Variants in SMAP1 observed in about 807,000 individuals in gnomAD.
SMAP1 encodes small ArfGAP 1, also known as stromal membrane-associated protein 1.
Under a neutral mutation model 58.5 loss-of-function variants are expected in SMAP1, and 24 were observed. The ratio of observed to expected loss-of-function variants is 0.41; its 90% CI spans 0.30 to 0.58. SMAP1 has a LOEUF of 0.58. Among genes scored for constraint, SMAP1 ranks in the 20% least tolerant of loss-of-function variants. The pLI, the probability that SMAP1 is intolerant of heterozygous loss-of-function variation, is 0.29. For missense variants in SMAP1, 563 were observed against 566.3 expected (o/e 0.99, Z 0.06); for synonymous variants, 216 against 196.6 (o/e 1.10, Z -0.82).
At chr6:70,778,143 G>C (rs1354285534) in intron 4 of SMAP1, among the ~76,000 whole-genome samples, 5 of 152,078 alleles carry the variant, frequency 3.3e-5, no homozygotes, top group Admixed American at 1.3e-4. Flanking sequence ...TTTAATACAG[G>C]CATGGAATGT....
chr6:70,783,175 A>G (rs1462913096), intron 4 of SMAP1, among the ~76,000 whole-genome samples: 1 of 152,192 alleles, frequency 6.6e-6, no homozygotes, highest in Non-Finnish European at 1.5e-5. Flanking sequence ...CACCGCTGCT[A>G]ATACCCAGGC....
intron 1 of SMAP1, among the ~76,000 whole-genome samples, chr6:70,703,414 G>A (rs1767716564): frequency 6.6e-6 from 1 of 152,098 alleles, no homozygotes; most frequent in African/African-American, 2.4e-5. Flanking sequence ...AATTGTATCG[G>A]TTCCTGATAT....
chr6:70,778,693 G>A (rs1159209005), intron 4 of SMAP1, among the ~76,000 whole-genome samples: 1 of 152,302 alleles, frequency 6.6e-6, no homozygotes, highest in East Asian at 1.9e-4. Flanking sequence ...GTCCCCAGGT[G>A]GAGGATGCTA....
At chr6:70,668,594 C>T in intron 1 of SMAP1, 1 of 1,535,792 alleles carries the variant, frequency 6.5e-7, no homozygotes, top group South Asian at 1.2e-5. Context: ...GTGACCACGT[C>T]CTCCCACTCC....
At position 70,817,465 on chromosome 6, in the gene SMAP1, G is replaced by T. The variant is rs868427308; in HGVS notation, c.576+18728G>T. 1.5e-3 allele frequency among the ~76,000 whole-genome samples: 233 copies of T among 152,206 alleles called. 3 individuals carry two copies. The South Asian group carries it at 0.021, about 14-fold the overall frequency. On this transcript the variant is annotated intron_variant, in intron 6 of 10. Coordinates refer to ENST00000370455, the MANE Select transcript of SMAP1 (RefSeq NM_001044305.3). ...CAAAATAGAGTCTTCTTTTCTGCAA[G>T]CTCTTATCCATTGCTTTCAGAAAAC...
At chr6:70,768,551 G>C (rs149642424) in intron 3 of SMAP1, among the ~76,000 whole-genome samples, 2 of 152,188 alleles carry the variant, frequency 1.3e-5, no homozygotes, top group African/African-American at 4.8e-5. Flanking sequence ...GGTGTTTGTC[G>C]TATTCTCTGA....
intron 6 of SMAP1, among the ~76,000 whole-genome samples, chr6:70,822,683 T>G (rs1267958233): frequency 6.6e-6 from 1 of 152,200 alleles, no homozygotes; most frequent in Non-Finnish European, 1.5e-5. Flanking sequence ...TGTGTGGTTT[T>G]GTATCCAACA....
chr6:70,703,191 T>C (rs1767706005), intron 1 of SMAP1, among the ~76,000 whole-genome samples: 1 of 152,094 alleles, frequency 6.6e-6, no homozygotes, highest in East Asian at 1.9e-4. Context: ...ATTCTCCTGC[T>C]TCAGCCTCCC....
intron 4 of SMAP1, among the ~76,000 whole-genome samples, chr6:70,775,154 A>T (rs1478869883): frequency 6.6e-6 from 1 of 152,202 alleles, no homozygotes; most frequent in Non-Finnish European, 1.5e-5. Flanking sequence ...CAGTATTGAG[A>T]ATATTTATGT....
At chr6:70,752,110 C>T (rs992855898) in intron 2 of SMAP1, among the ~76,000 whole-genome samples, 3 of 152,180 alleles carry the variant, frequency 2.0e-5, no homozygotes, top group Admixed American at 6.5e-5. Flanking sequence ...CTTATTTTGA[C>T]TAGCTGCTGC....
At chr6:70,773,258 AATTT>A in intron 3 of SMAP1, 88 bp from the exon 4 acceptor site, 1 of 719,166 alleles carries the variant, frequency 1.4e-6, no homozygotes, top group African/African-American at 1.9e-5. Context: ...AGGAAAATTA[AATTT>A]AGAGTCCCAG....
At chr6:70,746,919 T>C (rs1021612550) in intron 2 of SMAP1, among the ~76,000 whole-genome samples, 2 of 152,148 alleles carry the variant, frequency 1.3e-5, no homozygotes, top group African/African-American at 4.8e-5. Context: ...TAATAAGTTA[T>C]TTGGAGATAG....
At chr6:70,756,815 T>C (rs975345240) in intron 3 of SMAP1, among the ~76,000 whole-genome samples, 10 of 152,098 alleles carry the variant, frequency 6.6e-5, no homozygotes, top group African/African-American at 2.2e-4. Flanking sequence ...TTACAAGGGA[T>C]GTGAAGGAAC....
rs1045813873 is a variant in SMAP1, at chr6:70,798,790, A to G, written c.576+53A>G. The stretch of plus-strand genomic sequence containing the variant: ...ATTAGGATTACCATTTTATTTGTAT[A>G]CTTATATATTAATGACTTTCTGGAT... On this transcript the variant is annotated intron_variant, in intron 6 of 10. Coordinates refer to ENST00000370455, the MANE Select transcript of SMAP1 (RefSeq NM_001044305.3). 7.6e-6 allele frequency: 10 copies of G among 1,307,996 alleles called. No homozygotes were observed. The Admixed American group carries it at 1.8e-4, about 24-fold the overall frequency. 81.0% of individuals were successfully genotyped at this position (1,307,996 alleles called of 1,614,324 possible).
intron 7 of SMAP1, among the ~76,000 whole-genome samples, chr6:70,843,612 A>G (rs974177750): frequency 6.6e-6 from 1 of 152,226 alleles, no homozygotes; most frequent in African/African-American, 2.4e-5. Context: ...TGTGATAGAA[A>G]ATAAAACTCT....
At chr6:70,702,390 G>A (rs369410523) in intron 1 of SMAP1, among the ~76,000 whole-genome samples, 1 of 120,132 alleles carries the variant, frequency 8.3e-6, no homozygotes, top group African/African-American at 2.9e-5. Flanking sequence ...CTTTTTTTTT[G>A]GGGAGGGGGT....
chr6:70,730,879 A>G (rs889080781), intron 1 of SMAP1, among the ~76,000 whole-genome samples: 4 of 152,154 alleles, frequency 2.6e-5, no homozygotes, highest in African/African-American at 9.7e-5. Flanking sequence ...GACTCACTGC[A>G]ATCTCTGCCT....
rs368769274 is a variant in SMAP1, at chr6:70,713,565, C to G, written c.119-18813C>G. Among the ~76,000 whole-genome samples the G allele has an allele frequency of 3.9e-5, 6 of 152,080 alleles. No homozygotes were observed. The East Asian group carries it at 9.7e-4, about 24-fold the overall frequency. On this transcript the variant is annotated intron_variant, in intron 1 of 10. Coordinates refer to ENST00000370455, the MANE Select transcript of SMAP1 (RefSeq NM_001044305.3). The stretch of plus-strand genomic sequence containing the variant: ...TTAGTATTTGTGAATTTTCCATGTT[C>G]TTCTTGTTATCTAGTTCAATTCCAT...
chr6:70,825,639 G>A (rs1331503991), intron 6 of SMAP1, among the ~76,000 whole-genome samples: 1 of 152,142 alleles, frequency 6.6e-6, no homozygotes, highest in Non-Finnish European at 1.5e-5. Context: ...TGTCAAGAGA[G>A]GAACCTATTA....
Sources: gnomAD v4.1 joint callset for allele counts (sites outside exome capture counted in the v4.1 genomes callset) on GRCh38, gnomAD v4.1.1 for gene constraint, MANE v1.5 for transcripts, NCBI Gene and HGNC (gene_info 2026-07-23, HGNC 2026-07-21) for gene names.